The following CTNNA3 variants were observed in gnomAD, a reference collection of about 807,000 sequenced individuals.
CTNNA3 encodes the protein catenin alpha-3.
A neutral mutation model predicts 95.7 loss-of-function variants in CTNNA3; 76 were observed. The ratio of observed to expected loss-of-function variants is 0.79; its 90% CI spans 0.66 to 0.96. CTNNA3 has a LOEUF of 0.96. Ranked by LOEUF, CTNNA3 falls within the 40% of genes least tolerant of loss-of-function variation. The pLI, the probability that CTNNA3 is intolerant of heterozygous loss-of-function variation, is 0.00. For missense variants in CTNNA3, 1,191 were observed against 1,089.8 expected, an observed-to-expected ratio of 1.09 and a Z score of -1.31; for synonymous variants, 431 against 374.4, an observed-to-expected ratio of 1.15 and a Z score of -1.74.
intron 5 of CTNNA3, among the ~76,000 whole-genome samples, chr10:67,389,120 T>A (rs1048352920): frequency 2.6e-5 from 4 of 151,838 alleles, no homozygotes; most frequent in Non-Finnish European, 5.9e-5. Flanking sequence ...ACTGGCAAAT[T>A]GGATAAAGAA....
At chr10:66,153,992 C>A (rs993623131) in intron 13 of CTNNA3, among the ~76,000 whole-genome samples, 16 of 151,718 alleles carry the variant, frequency 1.1e-4, no homozygotes, top group African/African-American at 3.9e-4. Flanking sequence ...AGAAATGGAA[C>A]TTTTAGTAAT....
intron 13 of CTNNA3, among the ~76,000 whole-genome samples, chr10:66,152,180 T>A (rs1485494867): frequency 1.3e-5 from 2 of 151,902 alleles, no homozygotes; most frequent in African/African-American, 4.8e-5. Context: ...ACAGAAATAT[T>A]AAGACAGCAG....
chr10:66,658,433 T>C (rs149349072), intron 9 of CTNNA3, among the ~76,000 whole-genome samples: 1 of 152,282 alleles, frequency 6.6e-6, no homozygotes, highest in East Asian at 1.9e-4. Context: ...ACTAAAAAGA[T>C]ATGAGAGAAT....
chr10:66,380,302 C>A (rs1247702637), intron 11 of CTNNA3, among the ~76,000 whole-genome samples: 1 of 151,930 alleles, frequency 6.6e-6, no homozygotes, highest in Admixed American at 6.6e-5. Flanking sequence ...TCACACTTCC[C>A]TCTTGTCGTC....
chr10:66,822,442 G>A (rs1490412784), intron 7 of CTNNA3, among the ~76,000 whole-genome samples: 1 of 152,118 alleles, frequency 6.6e-6, no homozygotes, highest in East Asian at 1.9e-4. Flanking sequence ...GATACTTTCA[G>A]AGGAATATTT....
intron 5 of CTNNA3, among the ~76,000 whole-genome samples, chr10:67,375,437 C>G (rs1287684657): frequency 6.6e-6 from 1 of 152,104 alleles, no homozygotes; most frequent in Non-Finnish European, 1.5e-5. Flanking sequence ...GAAACCCTGT[C>G]TCTGCTAAAA....
intron 7 of CTNNA3, among the ~76,000 whole-genome samples, chr10:66,936,234 A>T (rs528803595): frequency 4.7e-4 from 71 of 152,274 alleles, no homozygotes; most frequent in Non-Finnish European, 9.6e-4. Flanking sequence ...AAAATGCAAG[A>T]GCATTAAGCT....
intron 15 of CTNNA3, among the ~76,000 whole-genome samples, chr10:65,991,542 T>G (rs946380956): frequency 6.6e-6 from 1 of 152,056 alleles, no homozygotes; most frequent in Non-Finnish European, 1.5e-5. Context: ...TGCCTCTTGA[T>G]TTCTTTTGCA....
intron 5 of CTNNA3, among the ~76,000 whole-genome samples, chr10:67,277,962 A>T (rs557367129): frequency 1.3e-5 from 2 of 152,302 alleles, no homozygotes; most frequent in East Asian, 3.9e-4. Context: ...TCAATAGAGC[A>T]GTCCAAGATG....
At chr10:67,551,614 A>T (rs1841036189) in intron 3 of CTNNA3, among the ~76,000 whole-genome samples, 1 of 152,182 alleles carries the variant, frequency 6.6e-6, no homozygotes, top group Non-Finnish European at 1.5e-5. Context: ...GGGGCTTCAG[A>T]GCTGTAAACA....
chr10:66,898,598 G>A (rs1184129262), intron 7 of CTNNA3, among the ~76,000 whole-genome samples: 1 of 152,064 alleles, frequency 6.6e-6, no homozygotes, highest in Non-Finnish European at 1.5e-5. Context: ...AGGAAAGATA[G>A]CATCTTCAAC....
intron 3 of CTNNA3, among the ~76,000 whole-genome samples, chr10:67,543,656 G>C (rs1043700076): frequency 6.6e-6 from 1 of 152,068 alleles, no homozygotes; most frequent in African/African-American, 2.4e-5. Flanking sequence ...TCTAATATAT[G>C]CATCTGTCCA....
At chr10:66,539,927 A>T (rs1376899236) in intron 10 of CTNNA3, among the ~76,000 whole-genome samples, 2 of 152,146 alleles carry the variant, frequency 1.3e-5, no homozygotes, top group African/African-American at 2.4e-5. Flanking sequence ...AAAATTACTT[A>T]GGTAAAATAC....
intron 15 of CTNNA3, among the ~76,000 whole-genome samples, chr10:66,036,890 T>TG (rs1491105912): frequency 1.3e-5 from 1 of 75,210 alleles, no homozygotes; most frequent in Non-Finnish European, 2.7e-5. Context: ...TTTTTTTTTT[T>TG]GAGACTGAGT....
chr10:65,915,056 A>G lies in CTNNA3; in HGVS notation c.*5274T>C, dbSNP rs1213649897. The G allele has an allele frequency of 6.6e-6, 1 of 152,124 alleles. No individual in the cohort carries two copies. Among genetic ancestry groups the G allele is most frequent in the Non-Finnish European group, 1.5e-5 (1 of 68,008 alleles). The allele number at this position is 152,124 out of a possible 1,614,324, so 9.4% of individuals were successfully genotyped here. A position where few individuals can be genotyped will look rare whatever the true frequency, so the allele number is the denominator to read the frequency against. On this transcript the variant is annotated 3_prime_UTR_variant, in exon 18 of 18. Transcript: ENST00000433211. Reference sequence around the variant, plus strand: ...AACACAGAGCTGGCACATGAGGGCAAGGATCACTATTTGTTTTGTTATATG... The same window carrying G: ...AACACAGAGCTGGCACATGAGGGCAGGGATCACTATTTGTTTTGTTATATG...
chr10:67,381,348 C>A (rs952841242), intron 5 of CTNNA3, among the ~76,000 whole-genome samples: 1 of 152,146 alleles, frequency 6.6e-6, no homozygotes, highest in Non-Finnish European at 1.5e-5. Flanking sequence ...ATCTTCTTAA[C>A]ATCTTTCCAG....
intron 2 of CTNNA3, among the ~76,000 whole-genome samples, chr10:67,628,573 G>T (rs1345430375): frequency 6.6e-6 from 1 of 151,954 alleles, no homozygotes; most frequent in African/African-American, 2.4e-5. Flanking sequence ...TAATAAACAG[G>T]TTTAGTTTAT....
At chr10:67,502,677 G>C (rs1589365842) in intron 5 of CTNNA3, among the ~76,000 whole-genome samples, 1 of 152,206 alleles carries the variant, frequency 6.6e-6, no homozygotes, top group East Asian at 1.9e-4. Flanking sequence ...CAGAGAGGAG[G>C]AATCTAGAGA....
intron 3 of CTNNA3, among the ~76,000 whole-genome samples, chr10:67,563,169 C>A (rs1011801494): frequency 6.6e-6 from 1 of 152,084 alleles, no homozygotes; most frequent in South Asian, 2.1e-4. Context: ...CAAAAAAGAG[C>A]CCGCATCGCC....
Sources: gnomAD v4.1 joint callset for allele counts (sites outside exome capture counted in the v4.1 genomes callset) on GRCh38, gnomAD v4.1.1 for gene constraint, MANE v1.5 for transcripts, NCBI Gene and HGNC (gene_info 2026-07-23, HGNC 2026-07-21) for gene names.